BCAS1: variants seen among roughly 807,000 people sequenced by gnomAD.
BCAS1 encodes the protein brain enriched myelin associated protein 1, also known as breast carcinoma-amplified sequence 1.
Under a neutral mutation model 65.4 loss-of-function variants are expected in BCAS1, and 46 were observed. The observed-to-expected ratio is 0.70, with a 90% CI of 0.55 to 0.90. BCAS1 has a LOEUF of 0.90. Among genes scored for constraint, BCAS1 ranks in the 40% least tolerant of loss-of-function variants. The pLI is 0.00. For synonymous variants in BCAS1, 298 were observed against 293.5 expected (o/e 1.02, Z -0.16); for missense variants, 793 against 771.2 (o/e 1.03, Z -0.33).
At chr20:54,032,486 A>C (rs2091822103) in intron 3 of BCAS1, among the ~76,000 whole-genome samples, 1 of 151,290 alleles carries the variant, frequency 6.6e-6, no homozygotes, top group African/African-American at 2.4e-5. Context: ...ACTAACCTTA[A>C]ATGTAAATGG....
At chr20:54,027,421 G>A (rs533476332) in intron 4 of BCAS1, among the ~76,000 whole-genome samples, 18 of 152,328 alleles carry the variant, frequency 1.2e-4, no homozygotes, top group African/African-American at 4.3e-4. Context: ...ATAAATGACA[G>A]CAAGTGTAAT....
chr20:53,982,377 T>C (rs2090505278), intron 8 of BCAS1, among the ~76,000 whole-genome samples: 1 of 152,210 alleles, frequency 6.6e-6, no homozygotes, highest in Non-Finnish European at 1.5e-5. Flanking sequence ...TAATTTGAAA[T>C]TGGTTTCCTT....
chr20:54,062,479 T>C (rs554980765), intron 1 of BCAS1, among the ~76,000 whole-genome samples: 2 of 152,242 alleles, frequency 1.3e-5, no homozygotes, highest in African/African-American at 4.8e-5. Flanking sequence ...CAAGAATATA[T>C]ACACACAAAG....
Position 53,944,271 on chromosome 20 carries a change from T to G in BCAS1, c.*651A>C, listed in dbSNP as rs974446344. On this transcript the variant is annotated 3_prime_UTR_variant, in exon 13 of 13. Coordinates refer to ENST00000688948, the MANE Select transcript of BCAS1 (RefSeq NM_001366298.2). ...AGCACGCATTTACTACAACGCTTAA[T>G]TCCTTCTAGCAGCATTTCTCTTCTA... 1 of 152,214 alleles carries G rather than the reference T, an allele frequency of 6.6e-6. No homozygotes were observed. Among genetic ancestry groups the G allele is most frequent in the African/African-American group, 2.4e-5 (1 of 41,390 alleles). The allele number at this position is 152,214 out of a possible 1,614,324, so 9.4% of individuals were successfully genotyped here.
At chr20:54,008,057 G>A (rs1208650437) in intron 4 of BCAS1, among the ~76,000 whole-genome samples, 1 of 152,132 alleles carries the variant, frequency 6.6e-6, no homozygotes, top group Non-Finnish European at 1.5e-5. Flanking sequence ...CTGACTAAAG[G>A]ACCAGGAAAG....
intron 10 of BCAS1, among the ~76,000 whole-genome samples, chr20:53,962,181 T>C (rs2145588147): frequency 6.6e-6 from 1 of 152,342 alleles, no homozygotes; most frequent in Non-Finnish European, 1.5e-5. Context: ...TTCGGTTTTC[T>C]GTTTTGTAAC....
At chr20:53,979,558 T>C (rs2145732063) in intron 8 of BCAS1, among the ~76,000 whole-genome samples, 1 of 152,278 alleles carries the variant, frequency 6.6e-6, no homozygotes, top group South Asian at 2.1e-4. Flanking sequence ...TGAACTCTCG[T>C]GGGCTTGGGA....
intron 8 of BCAS1, among the ~76,000 whole-genome samples, chr20:53,978,785 T>A (rs2090402894): frequency 6.6e-6 from 1 of 152,210 alleles, no homozygotes; most frequent in Non-Finnish European, 1.5e-5. Flanking sequence ...CCTTTAGTGT[T>A]TGACACATGT....
At chr20:54,053,030 C>A (rs1224144178) in intron 3 of BCAS1, among the ~76,000 whole-genome samples, 1 of 152,188 alleles carries the variant, frequency 6.6e-6, no homozygotes, top group African/African-American at 2.4e-5. Flanking sequence ...TTTGGCAGAA[C>A]AAGCACATAA....
At chr20:53,951,670 C>T (rs768098835) in intron 12 of BCAS1, among the ~76,000 whole-genome samples, 37 of 152,154 alleles carry the variant, frequency 2.4e-4, no homozygotes, top group Non-Finnish European at 3.7e-4. Context: ...CTGGGTGATT[C>T]GTGTGCACAG....
chr20:53,951,663 GGTGATTC>G (rs2089530107), intron 12 of BCAS1, among the ~76,000 whole-genome samples: 1 of 152,160 alleles, frequency 6.6e-6, no homozygotes, highest in Non-Finnish European at 1.5e-5. Flanking sequence ...TAGATCCCTG[GGTGATTC>G]GTGTGCACAG....
intron 4 of BCAS1, among the ~76,000 whole-genome samples, chr20:54,006,893 A>C (rs538247706): frequency 6.6e-6 from 1 of 152,308 alleles, no homozygotes; most frequent in African/African-American, 2.4e-5. Context: ...AATTCTCACA[A>C]GGGAAAAAAC....
intron 2 of BCAS1, 38 bp from the exon 3 acceptor site, chr20:54,058,192 G>C: frequency 6.3e-7 from 1 of 1,580,006 alleles, no homozygotes; most frequent in Non-Finnish European, 8.7e-7. Flanking sequence ...ACAAATCTTC[G>C]GGGGAAAATC....
chr20:54,035,040 T>C lies in BCAS1; in HGVS notation c.143-6068A>G, dbSNP rs570071732. ...ACAAAAACATGCAATGGGGAAAAGA[T>C]TTCCTATTCAATAAAAAGTGCTGGG... On this transcript the variant is annotated intron_variant, in intron 3 of 12. Coordinates refer to ENST00000688948, the MANE Select transcript of BCAS1 (RefSeq NM_001366298.2). Among the ~76,000 whole-genome samples the C allele has an allele frequency of 7.3e-5, 11 of 151,394 alleles. No individual in the cohort carries two copies. The South Asian group carries it at 1.5e-3, about 20-fold the overall frequency.
At chr20:53,967,553 T>C (rs1445330747) in intron 9 of BCAS1, among the ~76,000 whole-genome samples, 2 of 152,092 alleles carry the variant, frequency 1.3e-5, no homozygotes, top group African/African-American at 2.4e-5. Flanking sequence ...GAAAGGAGAG[T>C]GTAAAAACCA....
intron 1 of BCAS1, among the ~76,000 whole-genome samples, chr20:54,066,325 G>A (rs528366924): frequency 7.1e-6 from 1 of 140,840 alleles, no homozygotes; most frequent in Admixed American, 7.2e-5. Flanking sequence ...GCCCGCCTTG[G>A]CCTCCCAAAG....
At chr20:53,953,813 GA>G in intron 11 of BCAS1, 118 bp from the exon 12 acceptor site, 6 of 1,196,120 alleles carry the variant, frequency 5.0e-6, no homozygotes, top group Non-Finnish European at 6.9e-6. Flanking sequence ...ACATTTTCAT[GA>G]ATCCTAGGTG....
At chr20:54,008,193 A>G (rs1447165754) in intron 4 of BCAS1, among the ~76,000 whole-genome samples, 1 of 152,174 alleles carries the variant, frequency 6.6e-6, no homozygotes, top group African/African-American at 2.4e-5. Flanking sequence ...CTAGACTTCC[A>G]CTTTCACAAG....
At chr20:53,946,415 C>T (rs2089318066) in intron 12 of BCAS1, among the ~76,000 whole-genome samples, 1 of 151,898 alleles carries the variant, frequency 6.6e-6, no homozygotes, top group African/African-American at 2.4e-5. Flanking sequence ...TGCGATTCAT[C>T]CACCTTGCTG....
Sources: gnomAD v4.1 joint callset for allele counts (sites outside exome capture counted in the v4.1 genomes callset) on GRCh38, gnomAD v4.1.1 for gene constraint, MANE v1.5 for transcripts, NCBI Gene and HGNC (gene_info 2026-07-23, HGNC 2026-07-21) for gene names.